The following RIN2 variants were observed in gnomAD, a reference collection of about 807,000 sequenced individuals.
The protein encoded by RIN2 is Ras and Rab interactor 2.
A neutral mutation model predicts 78.0 loss-of-function variants in RIN2; 36 were observed. That is an observed-to-expected ratio of 0.46 (90% confidence interval 0.35 to 0.61). The LOEUF (loss-of-function observed/expected upper bound fraction) is 0.61, where lower values mean the gene tolerates loss of function less well. Ranked by LOEUF, RIN2 falls within the 20% of genes least tolerant of loss-of-function variation. The probability of loss-of-function intolerance (pLI) is 0.00; values close to 1 mark genes in which losing one functional copy is unlikely to be tolerated. For synonymous variants in RIN2, 466 were observed against 466.8 expected (o/e 1.00, Z 0.02); for missense variants, 1,087 against 1,159.7 (o/e 0.94, Z 0.91).
chr20:19,924,434 CCACCTTCATACCCT>C (rs1244822733), intron 3 of RIN2, among the ~76,000 whole-genome samples: 2 of 79,378 alleles, frequency 2.5e-5, no homozygotes, highest in East Asian at 9.5e-4. Context: ...TTTCATACCC[CCACCTTCATACCCT>C]CACCTTCATA....
At chr20:19,785,015 TCCC>T (rs2122562004) in intron 1 of RIN2, among the ~76,000 whole-genome samples, 1 of 152,166 alleles carries the variant, frequency 6.6e-6, no homozygotes, top group African/African-American at 2.4e-5. Flanking sequence ...CAGACATGCT[TCCC>T]CTCTTCCAGA....
At chr20:19,780,687 C>A (rs546258429) in intron 1 of RIN2, among the ~76,000 whole-genome samples, 2 of 152,212 alleles carry the variant, frequency 1.3e-5, no homozygotes, top group African/African-American at 4.8e-5. Context: ...TAGGTGGCCT[C>A]TGTTGCAACC....
At chr20:19,823,366 G>A in intron 2 of RIN2, 1 of 614,206 alleles carries the variant, frequency 1.6e-6, no homozygotes, top group Non-Finnish European at 2.9e-6. Flanking sequence ...TGAGTGAATG[G>A]TGGTAACATC....
chr20:19,962,493 C>G (rs982481560), intron 6 of RIN2, among the ~76,000 whole-genome samples: 3 of 152,034 alleles, frequency 2.0e-5, no homozygotes, highest in Non-Finnish European at 4.4e-5. Context: ...TCCTTGTGGC[C>G]GAAGGTTTTT....
chr20:19,798,184 A>G (rs527516159), intron 1 of RIN2, among the ~76,000 whole-genome samples: 1 of 152,306 alleles, frequency 6.6e-6, no homozygotes, highest in Admixed American at 6.5e-5. Flanking sequence ...ATGCTTTGAA[A>G]TATAATAAAT....
At chr20:19,787,413 A>C (rs990708499) in intron 1 of RIN2, among the ~76,000 whole-genome samples, 4 of 142,464 alleles carry the variant, frequency 2.8e-5, no homozygotes, top group South Asian at 2.4e-4. Flanking sequence ...ACAGAGCAAG[A>C]CTCCATCTTA....
intron 4 of RIN2, chr20:19,935,520 G>T: frequency 9.2e-7 from 1 of 1,085,088 alleles, no homozygotes; most frequent in Non-Finnish European, 1.1e-6. Context: ...TCCAGCGTGT[G>T]CAAAGTAGAA....
chr20:19,772,924 C>G (rs1813974461), intron 1 of RIN2, among the ~76,000 whole-genome samples: 1 of 152,188 alleles, frequency 6.6e-6, no homozygotes, highest in African/African-American at 2.4e-5. Flanking sequence ...TCAGGGTGTC[C>G]CTGTGTAGAA....
In RIN2 at chr20:19,848,898, C is replaced by G. The variant is rs73124214; in HGVS notation, c.-36-40668C>G. On this transcript the variant is annotated intron_variant, in intron 2 of 12. Transcript: ENST00000255006. ...GATTTCCACTTGGGAGGAAATTCAA[C>G]AGTAGTAAGGATGACTCTTTATTTA... Among the ~76,000 whole-genome samples the G allele has an allele frequency of 4.4e-4, 67 of 152,302 alleles. 1 individual carries two copies. The highest frequency in any genetic ancestry group is 5.9e-4 in the Admixed American group (9 of 15,290).
intron 3 of RIN2, among the ~76,000 whole-genome samples, chr20:19,908,227 C>G (rs1400745540): frequency 6.6e-6 from 1 of 152,138 alleles, no homozygotes; most frequent in Non-Finnish European, 1.5e-5. Context: ...CGCGGTGGCT[C>G]ACACCTACAA....
intron 3 of RIN2, among the ~76,000 whole-genome samples, chr20:19,927,262 T>G (rs1055857532): frequency 2.0e-5 from 3 of 152,220 alleles, no homozygotes; most frequent in African/African-American, 7.2e-5. Flanking sequence ...CTTATTTATT[T>G]TAAGAGATGG....
At chr20:19,854,742 CTT>C (rs1444932561) in intron 2 of RIN2, among the ~76,000 whole-genome samples, 1 of 152,154 alleles carries the variant, frequency 6.6e-6, no homozygotes, top group Non-Finnish European at 1.5e-5. Flanking sequence ...TATCCTGAGA[CTT>C]TGCTGAAGTT....
rs567829449 is a variant in RIN2, at chr20:19,863,544, A to G, written c.-36-26022A>G. ...GATAACTCTGAAGCTTGTGTTTGAC[A>G]CTGCTTACCAGCATTACTCTGTGAG... On this transcript the variant is annotated intron_variant, in intron 2 of 12. Coordinates refer to ENST00000255006, the MANE Select transcript of RIN2 (RefSeq NM_018993.4). Among the ~76,000 whole-genome samples the G allele has an allele frequency of 1.0e-3, 154 of 152,294 alleles. 2 individuals are homozygous for G. Among genetic ancestry groups the G allele is most frequent in the African/African-American group, 3.6e-3 (149 of 41,548 alleles).
chr20:19,927,887 T>G (rs1883340851), intron 3 of RIN2, among the ~76,000 whole-genome samples: 1 of 151,574 alleles, frequency 6.6e-6, no homozygotes, highest in Admixed American at 6.6e-5. Context: ...TAGAGAGTAT[T>G]TAGGTGCCTA....
intron 2 of RIN2, among the ~76,000 whole-genome samples, chr20:19,880,918 C>T (rs958885654): frequency 1.3e-5 from 2 of 152,178 alleles, no homozygotes; most frequent in African/African-American, 4.8e-5. Context: ...ACAGACCGAA[C>T]ATATGGCTTC....
chr20:19,761,595 T>C (rs1228239367), intron 1 of RIN2, among the ~76,000 whole-genome samples: 3 of 152,184 alleles, frequency 2.0e-5, no homozygotes, highest in Non-Finnish European at 4.4e-5. Flanking sequence ...CAAAATCTTA[T>C]AATGTCTAGG....
At chr20:19,766,131 T>C (rs1478769269) in intron 1 of RIN2, among the ~76,000 whole-genome samples, 1 of 152,194 alleles carries the variant, frequency 6.6e-6, no homozygotes, top group Non-Finnish European at 1.5e-5. Context: ...CCATCTGTCA[T>C]GGATGGGGCA....
rs1399651399 is a variant in RIN2 at position 19,851,026 on chromosome 20, G to GAGAAAGA, written c.-36-38539_-36-38538insGAAAGAA. 1.1e-3 allele frequency among the ~76,000 whole-genome samples: 115 copies of GAGAAAGA among 109,422 alleles called. 1 individual carries two copies. Among genetic ancestry groups the GAGAAAGA allele is most frequent in the Middle Eastern group, 4.4e-3 (1 of 228 alleles). The allele number at this position is 109,422 out of a possible 152,430, so 71.8% of individuals were successfully genotyped here. On this transcript the variant is annotated intron_variant, in intron 2 of 12. Transcript: ENST00000255006. ...GGAAGGAAGGAAGGAAGGAAGGAAG[G>GAGAAAGA]AAGGAAGGAAGGAAGGAAGGAAGGA...
At chr20:19,978,371 C>T (rs188259934) in intron 9 of RIN2, among the ~76,000 whole-genome samples, 10 of 152,284 alleles carry the variant, frequency 6.6e-5, no homozygotes, top group Admixed American at 2.0e-4. Flanking sequence ...ACATGTATCC[C>T]TTTAGTATAT....
Sources: gnomAD v4.1 joint callset for allele counts (sites outside exome capture counted in the v4.1 genomes callset) on GRCh38, gnomAD v4.1.1 for gene constraint, MANE v1.5 for transcripts, NCBI Gene and HGNC (gene_info 2026-07-23, HGNC 2026-07-21) for gene names.